Variants in C1QC observed in about 807,000 individuals in gnomAD.
C1QC encodes complement C1q subcomponent subunit C.
Under a neutral mutation model 5.9 loss-of-function variants are expected in C1QC, and 4 were observed. The observed-to-expected ratio is 0.68, with a 90% confidence interval of 0.33 to 1.55. The LOEUF (loss-of-function observed/expected upper bound fraction) is 1.55, where lower values mean the gene tolerates loss of function less well. Ranked by LOEUF, C1QC falls within the 40% of genes most tolerant of loss-of-function variation. The probability of loss-of-function intolerance (pLI) is 0.06; values close to 1 mark genes in which losing one functional copy is unlikely to be tolerated. For missense variants in C1QC, 299 were observed against 326.9 expected (o/e 0.91, Z 0.66); for synonymous variants, 166 against 153.8 (o/e 1.08, Z -0.59).
At chr1:22,645,938 G>A (rs1190647128) in intron 2 of C1QC, among the ~76,000 whole-genome samples, 1 of 152,198 alleles carries the variant, frequency 6.6e-6, no homozygotes. Flanking sequence ...GAAACATGAG[G>A]GCTGATGGGA....
At chr1:22,646,570 A>G (rs1025550427) in intron 2 of C1QC, among the ~76,000 whole-genome samples, 1 of 152,240 alleles carries the variant, frequency 6.6e-6, no homozygotes, top group Non-Finnish European at 1.5e-5. Context: ...TAGTCATACA[A>G]GCTGTGTCAC....
Position 22,647,267 on chromosome 1 carries a change from G to T in C1QC, c.222G>T (p.Gln74His). ...CCGGGATCCGAGGACCCAAAGGGCA[G>T]AAGGGAGAACCCGGCTTACCCGGCC... ...AIPGIRGPKG[Q>H]KGEPGLPGHP... The change falls in exon 3 of 3, where the codon CAG becomes CAT. Residue 74 changes from glutamine (Q) to histidine (H), a missense_variant. Physicochemically the swap from Gln to His is conservative, Grantham distance 24. Coordinates refer to ENST00000374640, the MANE Select transcript of C1QC (RefSeq NM_172369.5). 1 of 1,611,180 alleles carries T rather than the reference G, an allele frequency of 6.2e-7. No individual in the cohort carries two copies. The highest frequency in any genetic ancestry group is 8.5e-7 in the Non-Finnish European group (1 of 1,179,990).
chr1:22,646,357 G>A (rs1458309266), intron 2 of C1QC, among the ~76,000 whole-genome samples: 1 of 152,228 alleles, frequency 6.6e-6, no homozygotes, highest in Non-Finnish European at 1.5e-5. Context: ...TCTGAAGCTT[G>A]TAAAATGTTG....
In C1QC at chr1:22,647,825, C is replaced by T. The variant is rs764757983; in HGVS notation, c.*42C>T. The T allele has an allele frequency of 6.3e-6, 10 of 1,597,438 alleles. No individual in the cohort carries two copies. In the African/African-American group the frequency reaches 1.1e-4, roughly 17 times the overall value. On this transcript the variant is annotated 3_prime_UTR_variant, in exon 3 of 3. Transcript: ENST00000374640. ...CGAGCCCCACGGGCCTTCCACCTCC[C>T]TCAGCTTCCTGCATGGACCCACCTT...
chr1:22,645,283 G>A (rs1161992879), intron 2 of C1QC, among the ~76,000 whole-genome samples: 2 of 152,088 alleles, frequency 1.3e-5, no homozygotes, highest in Non-Finnish European at 2.9e-5. Context: ...CTTCACAGCT[G>A]CCTCTGACCA....
intron 2 of C1QC, among the ~76,000 whole-genome samples, chr1:22,646,465 T>C (rs186694000): frequency 9.2e-5 from 14 of 152,332 alleles, no homozygotes; most frequent in African/African-American, 2.9e-4. Flanking sequence ...AAAATTATAT[T>C]GGAACCACAC....
Position 22,647,430 on chromosome 1 carries a change from C to T in C1QC, c.385C>T (p.His129Tyr), listed in dbSNP as rs753183463. The T allele has an allele frequency of 6.2e-7, 1 of 1,614,084 alleles. No individual in the cohort carries two copies. The highest frequency in any genetic ancestry group is 1.1e-5 in the South Asian group (1 of 91,070). ...QSVFTVTRQTHQPPAPNSLIR... is the reference protein window; with the variant it reads ...QSVFTVTRQTYQPPAPNSLIR... Reference sequence around the variant, plus strand: ...AGTGTTCACGGTCACTCGGCAGACCCACCAGCCCCCTGCACCCAACAGCCT... The same window carrying T: ...AGTGTTCACGGTCACTCGGCAGACCTACCAGCCCCCTGCACCCAACAGCCT... The change falls in exon 3 of 3, where the codon CAC becomes TAC. Residue 129 changes from histidine to tyrosine, a missense_variant. Physicochemically the swap from His to Tyr is moderately conservative, Grantham distance 83. Transcript: ENST00000374640.
chr1:22,646,275 G>C (rs987744462), intron 2 of C1QC, among the ~76,000 whole-genome samples: 2 of 152,184 alleles, frequency 1.3e-5, no homozygotes, highest in African/African-American at 2.4e-5. Context: ...GCTTCTATTC[G>C]GCTCCTTCCA....
Position 22,647,644 on chromosome 1 carries a change from A to G in C1QC, c.599A>G (p.Asn200Ser). 6.2e-7 allele frequency: 1 copy of G among 1,613,730 alleles called. No homozygotes were observed. The highest frequency in any genetic ancestry group is 8.5e-7 in the Non-Finnish European group (1 of 1,179,968). Reference sequence around the variant, plus strand: ...TTCTGTGGCCACACGTCCAAAACCAATCAGGTCAACTCGGGCGGTGTGCTG... The same window carrying G: ...TTCTGTGGCCACACGTCCAAAACCAGTCAGGTCAACTCGGGCGGTGTGCTG... The part of the protein sequence containing the change: ...VTFCGHTSKT[N>S]QVNSGGVLLR... Residue 200 changes from asparagine to serine, a missense_variant, in exon 3 of 3, where the codon AAT becomes AGT. Around this residue, in one of 3 missense-constraint regions of C1QC, gnomAD observed 144 missense variants for 155.1 expected, o/e 0.93. Coordinates refer to ENST00000374640, the MANE Select transcript of C1QC (RefSeq NM_172369.5).
chr1:22,647,268 A>T lies in C1QC; in HGVS notation c.223A>T (p.Lys75Ter). 1 of 1,611,328 alleles carries T rather than the reference A, an allele frequency of 6.2e-7. No individual in the cohort carries two copies. The highest frequency in any genetic ancestry group is 8.5e-7 in the Non-Finnish European group (1 of 1,179,966). Residue 75 changes from lysine (K) to a stop codon, truncating the protein, a stop_gained, in exon 3 of 3, where the codon AAG (lysine) becomes TAG (stop). Coordinates refer to ENST00000374640, the MANE Select transcript of C1QC (RefSeq NM_172369.5). LOFTEE classifies it low-confidence loss of function (END_TRUNC). ...CGGGATCCGAGGACCCAAAGGGCAG[A>T]AGGGAGAACCCGGCTTACCCGGCCA... ...IPGIRGPKGQ[K>*]GEPGLPGHPG...
intron 2 of C1QC, among the ~76,000 whole-genome samples, chr1:22,645,048 G>A (rs760839488): frequency 1.1e-4 from 17 of 152,228 alleles, no homozygotes; most frequent in Non-Finnish European, 2.1e-4. Context: ...GCCTGGAGCC[G>A]GCCTGGGGTG....
intron 1 of C1QC, 38 bp downstream of exon 1, chr1:22,643,752 C>T: frequency 7.6e-7 from 1 of 1,317,350 alleles, no homozygotes; most frequent in Non-Finnish European, 9.7e-7. Flanking sequence ...GGGCAGATGG[C>T]CGTTTCCTCC....
chr1:22,647,090 C>T lies in C1QC; in HGVS notation c.182-137C>T, dbSNP rs982959122. ...AAAGCCTAACTCCCTGCACCCTGCT[C>T]CTAGGGAGATAGCCCATCTATGAGA... On this transcript the variant is annotated intron_variant, in intron 2 of 2. Coordinates refer to ENST00000374640, the MANE Select transcript of C1QC (RefSeq NM_172369.5). 1.7e-5 allele frequency: 18 copies of T among 1,039,396 alleles called. No individual in the cohort carries two copies. In the Admixed American group the frequency reaches 2.4e-4, roughly 14 times the overall value. The allele number at this position is 1,039,396 out of a possible 1,614,324, so 64.4% of individuals were successfully genotyped here.
intron 1 of C1QC, 72 bp from the exon 2 acceptor site, chr1:22,643,939 G>A (rs74909167): frequency 0.015 from 22,007 of 1,505,734 alleles, 215 homozygotes; most frequent in Non-Finnish European, 0.016. Context: ...TGAGGAGGAC[G>A]GGCCCTGGGG....
rs1197130628 is a variant in C1QC at position 22,643,811 on chromosome 1, T to C, written c.-14+97T>C. On this transcript the variant is annotated intron_variant, in intron 1 of 2. Coordinates refer to ENST00000374640, the MANE Select transcript of C1QC (RefSeq NM_172369.5). ...GTGGTGCCAGGGGCAGCTTGGTGTGTGAGGGGAAGGAGGGTTCCCACTCCT... is the reference window on the plus strand; with the variant it reads ...GTGGTGCCAGGGGCAGCTTGGTGTGCGAGGGGAAGGAGGGTTCCCACTCCT... 40 of 1,350,978 alleles carry C rather than the reference T, an allele frequency of 3.0e-5. 1 individual carries two copies. The East Asian group carries it at 1.1e-3, about 39-fold the overall frequency. The allele number at this position is 1,350,978 out of a possible 1,614,324, so 83.7% of individuals were successfully genotyped here. A position where few individuals can be genotyped will look rare whatever the true frequency, so the allele number is the denominator to read the frequency against.
At position 22,647,679 on chromosome 1, in the gene C1QC, CA is replaced by C; in HGVS notation, c.635del (p.Gln212ArgfsTer112). 6.2e-7 allele frequency: 1 copy of C among 1,609,404 alleles called. No homozygotes were observed. The highest frequency in any genetic ancestry group is 8.5e-7 in the Non-Finnish European group (1 of 1,179,540). On this transcript the variant is annotated frameshift_variant, in exon 3 of 3. Transcript: ENST00000374640. LOFTEE classifies it high-confidence loss of function. ...CTCGGGCGGTGTGCTGCTGAGGTTGCAGGTGGGCGAGGAGGTGTGGCTGGCT... is the reference window on the plus strand; with the variant it reads ...CTCGGGCGGTGTGCTGCTGAGGTTGCGGTGGGCGAGGAGGTGTGGCTGGCT... The part of the protein sequence containing the change: ...VNSGGVLLRL[Q>X]VGEEVWLAVN...
chr1:22,644,059 G>A lies in C1QC; in HGVS notation c.36G>A (p.Gly12=). 1 of 1,584,554 alleles carries A rather than the reference G, an allele frequency of 6.3e-7. No homozygotes were observed. The highest frequency in any genetic ancestry group is 1.2e-5 in the South Asian group (1 of 86,290). The change falls in exon 2 of 3, where the codon GGG becomes GGA. Residue 12 remains glycine, a synonymous_variant. Transcript: ENST00000374640. ...DVGPSSLPHL[G]LKLLLLLLLL... ...GGCCCAGCTCCCTGCCCCACCTTGG[G>A]CTGAAGCTGCTGCTGCTCCTGCTGC...
At chr1:22,646,599 G>A (rs7517504) in intron 2 of C1QC, among the ~76,000 whole-genome samples, 6 of 152,052 alleles carry the variant, frequency 3.9e-5, no homozygotes, top group Non-Finnish European at 7.4e-5. Context: ...ACTGGGTGAA[G>A]AGTCCCTGTT....
At position 22,648,040 on chromosome 1, in the gene C1QC, CTT is replaced by C. The variant is rs10601144; in HGVS notation, c.*272_*273del. The stretch of plus-strand genomic sequence containing the variant: ...ACCAATGCCTTCTGGTACTGCCATT[CTT>C]TTTTTTTTTTTTTTCAAGTATTGGA... On this transcript the variant is annotated 3_prime_UTR_variant, in exon 3 of 3. Coordinates refer to ENST00000374640, the MANE Select transcript of C1QC (RefSeq NM_172369.5). The C allele has an allele frequency of 0.41, 144,215 of 353,946 alleles. 22,243 individuals are homozygous for C. The highest frequency in any genetic ancestry group is 0.75 in the African/African-American group (33,646 of 44,908). 21.9% of individuals were successfully genotyped at this position (353,946 alleles called of 1,614,324 possible).
Sources: gnomAD v4.1 joint callset for allele counts (sites outside exome capture counted in the v4.1 genomes callset) on GRCh38, gnomAD v4.1.1 for gene constraint, gnomAD v4.1.1 regional missense constraint, MANE v1.5 for transcripts, NCBI Gene and HGNC (gene_info 2026-07-23, HGNC 2026-07-21) for gene names.